The following R3HDM2 variants were observed in gnomAD, a reference collection of about 807,000 sequenced individuals.
R3HDM2 encodes R3H domain containing 2.
A neutral mutation model predicts 124.5 loss-of-function variants in R3HDM2; 38 were observed. The ratio of observed to expected loss-of-function variants is 0.31; its 90% CI spans 0.24 to 0.40. The LOEUF (loss-of-function observed/expected upper bound fraction) is 0.40. Ranked by LOEUF, R3HDM2 falls within the 10% of genes least tolerant of loss-of-function variation. The pLI is 1.00. For missense variants in R3HDM2, 869 were observed against 1,236.9 expected, an observed-to-expected ratio of 0.70 and a Z score of 4.46; for synonymous variants, 391 against 448.0, an observed-to-expected ratio of 0.87 and a Z score of 1.61.
chr12:57,358,155 T>C (rs1222958511), intron 2 of R3HDM2, among the ~76,000 whole-genome samples: 1 of 151,948 alleles, frequency 6.6e-6, no homozygotes, highest in East Asian at 1.9e-4. Context: ...ATTTTTTTTT[T>C]TTTCTATTTT....
At chr12:57,315,037 C>CA (rs2054723978) in intron 2 of R3HDM2, among the ~76,000 whole-genome samples, 1 of 143,306 alleles carries the variant, frequency 7.0e-6, no homozygotes. Context: ...TTTTCTATTT[C>CA]TTTTTTTTTT....
chr12:57,290,046 C>T (rs1179352367), intron 11 of R3HDM2, among the ~76,000 whole-genome samples: 2 of 151,694 alleles, frequency 1.3e-5, no homozygotes, highest in Non-Finnish European at 2.9e-5. Flanking sequence ...AAGGATCTAA[C>T]AAAGAATACA....
chr12:57,304,565 G>C, intron 3 of R3HDM2: 1 of 951,962 alleles, frequency 1.1e-6, no homozygotes, highest in South Asian at 4.9e-5. Context: ...TGGAGAACTG[G>C]GAAGGTGGAT....
At chr12:57,325,682 C>T (rs1040305520) in intron 2 of R3HDM2, among the ~76,000 whole-genome samples, 1 of 151,436 alleles carries the variant, frequency 6.6e-6, no homozygotes, top group Non-Finnish European at 1.5e-5. Flanking sequence ...ATTGCTGGAA[C>T]CACAGGCATG....
intron 12 of R3HDM2, among the ~76,000 whole-genome samples, chr12:57,287,235 A>T (rs1214889600): frequency 6.6e-6 from 1 of 152,252 alleles, no homozygotes; most frequent in Non-Finnish European, 1.5e-5. Context: ...TGAATCAGAT[A>T]AAGTATACTC....
chr12:57,383,622 C>T (rs1401766536), intron 2 of R3HDM2, among the ~76,000 whole-genome samples: 12 of 151,864 alleles, frequency 7.9e-5, no homozygotes, highest in African/African-American at 1.9e-4. Context: ...GCAGGAGAAA[C>T]GCTTGAACCC....
chr12:57,342,591 A>G (rs1354399933), intron 2 of R3HDM2, among the ~76,000 whole-genome samples: 1 of 152,176 alleles, frequency 6.6e-6, no homozygotes, highest in African/African-American at 2.4e-5. Context: ...GCCTGCCTCC[A>G]CACTGCTCTG....
intron 2 of R3HDM2, among the ~76,000 whole-genome samples, chr12:57,355,995 T>A (rs1486381647): frequency 6.6e-6 from 1 of 152,224 alleles, no homozygotes; most frequent in Non-Finnish European, 1.5e-5. Flanking sequence ...ACATACATGA[T>A]GCTATCCTCT....
intron 14 of R3HDM2, chr12:57,272,471 C>T (rs774268140): frequency 4.6e-5 from 71 of 1,550,322 alleles, no homozygotes; most frequent in East Asian, 9.8e-5. Context: ...ACTGCTGGGG[C>T]GGAGAGACTG....
chr12:57,297,932 C>T, intron 7 of R3HDM2, 158 bp downstream of exon 7: 7 of 624,210 alleles, frequency 1.1e-5, no homozygotes, highest in Non-Finnish European at 1.7e-5. Flanking sequence ...TATTTTGAAT[C>T]CCTCACAGAA....
chr12:57,277,540 G>A (rs564525701), intron 14 of R3HDM2, among the ~76,000 whole-genome samples: 11 of 151,820 alleles, frequency 7.2e-5, no homozygotes, highest in Non-Finnish European at 1.6e-4. Flanking sequence ...CCAGGTTCAA[G>A]CAATTCTCAT....
intron 2 of R3HDM2, among the ~76,000 whole-genome samples, chr12:57,346,211 C>T (rs565211681): frequency 6.8e-6 from 1 of 147,430 alleles, no homozygotes; most frequent in East Asian, 2.0e-4. Flanking sequence ...AATCCCAGCA[C>T]TTTGGGAGGC....
intron 11 of R3HDM2, among the ~76,000 whole-genome samples, chr12:57,290,141 A>G (rs1360936053): frequency 2.0e-5 from 3 of 152,264 alleles, no homozygotes; most frequent in Non-Finnish European, 4.4e-5. Context: ...TTGTAGGTAG[A>G]TACAGTCCAC....
intron 2 of R3HDM2, among the ~76,000 whole-genome samples, chr12:57,389,758 A>T (rs1297447777): frequency 2.0e-5 from 3 of 152,248 alleles, no homozygotes; most frequent in Admixed American, 2.0e-4. Context: ...AGATTAGAAT[A>T]GAAAAAAAGC....
At position 57,254,655 on chromosome 12, in the gene R3HDM2, G is replaced by C. The variant is rs960403717; in HGVS notation, c.*118C>G. On this transcript the variant is annotated 3_prime_UTR_variant, in exon 24 of 24. Coordinates refer to ENST00000402412, the MANE Select transcript of R3HDM2 (RefSeq NM_001394031.1). ...GTTTCCATCTTCATCACTGTCTTAG[G>C]TTCCAGTTTAACATCAGTTTCCTTA... 1.1e-6 allele frequency: 1 copy of C among 883,242 alleles called. No individual in the cohort carries two copies. The highest frequency in any genetic ancestry group is 1.8e-5 in the South Asian group (1 of 54,666). The allele number at this position is 883,242 out of a possible 1,614,324, so 54.7% of individuals were successfully genotyped here.
At chr12:57,409,494 T>G (rs1594565545) in intron 1 of R3HDM2, among the ~76,000 whole-genome samples, 1 of 106,052 alleles carries the variant, frequency 9.4e-6, no homozygotes, top group Admixed American at 1.1e-4. Flanking sequence ...TAATAAAAAC[T>G]AGAGCTGAGA....
chr12:57,349,429 A>G (rs1351335813), intron 2 of R3HDM2, among the ~76,000 whole-genome samples: 1 of 150,506 alleles, frequency 6.6e-6, no homozygotes, highest in East Asian at 1.9e-4. Flanking sequence ...CAAGAAAATC[A>G]AGTAAATTTC....
At chr12:57,385,913 G>A (rs1298289223) in intron 2 of R3HDM2, among the ~76,000 whole-genome samples, 2 of 151,972 alleles carry the variant, frequency 1.3e-5, no homozygotes, top group Non-Finnish European at 2.9e-5. Flanking sequence ...TGCTCTCATG[G>A]GTGTATGGTA....
Position 57,280,384 on chromosome 12 carries a change from G to A in R3HDM2, c.1318C>T (p.Pro440Ser). ...TGTGAGATCATGTGATTATTCAAGGGTGGCTGTTGCTGAGGCGTGGGTGGG... is the reference window on the plus strand; with the variant it reads ...TGTGAGATCATGTGATTATTCAAGGATGGCTGTTGCTGAGGCGTGGGTGGG... ...ALPPTPQQQPPLNNHMISQAD... is the reference protein window; with the variant it reads ...ALPPTPQQQPSLNNHMISQAD... Residue 440 changes from proline to serine, a missense_variant, in exon 14 of 24, where the codon CCC (proline) becomes TCC (serine). Physicochemically the swap from Pro to Ser is moderately conservative, Grantham distance 74. This residue lies in a region of R3HDM2 where 602 missense variants were observed against 789.2 expected (regional missense o/e 0.76). Transcript: ENST00000402412. 1 of 1,613,998 alleles carries A rather than the reference G, an allele frequency of 6.2e-7. No homozygotes were observed. The highest frequency in any genetic ancestry group is 8.5e-7 in the Non-Finnish European group (1 of 1,179,914).
Sources: allele counts gnomAD v4.1 joint callset (sites outside exome capture counted in the v4.1 genomes callset), GRCh38; gene constraint gnomAD v4.1.1; regional missense constraint gnomAD v4.1.1; transcripts MANE v1.5; gene names NCBI Gene and HGNC (gene_info 2026-07-23, HGNC 2026-07-21).